SAMSN1: variants seen among roughly 807,000 people sequenced by gnomAD.
The protein encoded by SAMSN1 is SAM domain, SH3 domain and nuclear localization signals 1.
SAMSN1 carries 31 observed loss-of-function variants against 42.0 expected under a neutral mutation model. The observed-to-expected ratio is 0.74, with a 90% confidence interval of 0.55 to 1.00. The LOEUF is 1.00. SAMSN1 is among the 50% of genes least tolerant of loss of function. The pLI is 0.00. For missense variants in SAMSN1, 464 were observed against 439.4 expected, an observed-to-expected ratio of 1.06 and a Z score of -0.50; for synonymous variants, 178 against 151.9, an observed-to-expected ratio of 1.17 and a Z score of -1.26.
At chr21:14,658,508 C>G (rs186339294) in intron 1 of SAMSN1, among the ~76,000 whole-genome samples, 3 of 152,020 alleles carry the variant, frequency 2.0e-5, no homozygotes, top group African/African-American at 7.2e-5. Flanking sequence ...AATTCAACAT[C>G]AAAATGATAA....
chr21:14,520,832 A>G (rs921911231), intron 2 of SAMSN1, among the ~76,000 whole-genome samples: 2 of 150,722 alleles, frequency 1.3e-5, no homozygotes, highest in Admixed American at 1.3e-4. Context: ...TCAATCTGTA[A>G]GGTAGGAGCC....
intron 2 of SAMSN1, among the ~76,000 whole-genome samples, chr21:14,638,184 A>T (rs1333540961): frequency 6.6e-6 from 1 of 152,328 alleles, no homozygotes; most frequent in South Asian, 2.1e-4. Context: ...GGAAAGTGGG[A>T]TGTGAAAGTG....
chr21:14,617,368 C>T (rs1982866937), intron 2 of SAMSN1, among the ~76,000 whole-genome samples: 1 of 152,200 alleles, frequency 6.6e-6, no homozygotes, highest in Non-Finnish European at 1.5e-5. Context: ...TCTTTCCAAA[C>T]CTCAGATTAG....
At chr21:14,594,233 T>C (rs1982180449) in intron 6 of SAMSN1, among the ~76,000 whole-genome samples, 1 of 152,198 alleles carries the variant, frequency 6.6e-6, no homozygotes, top group African/African-American at 2.4e-5. Context: ...CTGATTAATG[T>C]TTCATCAGTG....
rs930764159 is a variant in SAMSN1, at chr21:14,602,344, T to C, written c.323-245A>G. 2.6e-5 allele frequency among the ~76,000 whole-genome samples: 4 copies of C among 152,100 alleles called. No homozygotes were observed. The East Asian group carries it at 7.7e-4, about 29-fold the overall frequency. ...ACCATCTGTGTCCCTGAGGAAGTGA[T>C]GGAAATTCACTGTGACTCCCTTTCT... is the stretch of plus-strand genomic sequence containing the variant. On this transcript the variant is annotated intron_variant, in intron 5 of 15. Transcript: ENST00000647101.
intron 1 of SAMSN1, among the ~76,000 whole-genome samples, chr21:14,522,403 C>T (rs180771389): frequency 1.3e-5 from 2 of 152,218 alleles, no homozygotes; most frequent in African/African-American, 2.4e-5. Context: ...TATTTTCTTT[C>T]TAAAGGACTT....
intron 5 of SAMSN1, chr21:14,609,383 T>A: frequency 2.9e-6 from 2 of 692,348 alleles, no homozygotes; most frequent in Non-Finnish European, 5.3e-6. Flanking sequence ...ACCATAATGG[T>A]CTGCTTATTT....
At position 14,634,887 on chromosome 21, in the gene SAMSN1, G is replaced by A. The variant is rs533615830; in HGVS notation, c.156+8115C>T. Among the ~76,000 whole-genome samples the A allele has an allele frequency of 6.6e-5, 10 of 152,286 alleles. No individual in the cohort carries two copies. In the South Asian group the frequency reaches 1.0e-3, roughly 16 times the overall value. The stretch of plus-strand genomic sequence containing the variant: ...GTTATAAAGATACATGGACACTTAC[G>A]TTTATTACAGCACTATTCACAATAG... On this transcript the variant is annotated intron_variant, in intron 2 of 15. Transcript: ENST00000647101.
upstream of SAMSN1, among the ~76,000 whole-genome samples, chr21:14,546,528 G>A (rs976568699): frequency 6.6e-6 from 1 of 151,798 alleles, no homozygotes; most frequent in African/African-American, 2.4e-5. Flanking sequence ...GCAGTTATGA[G>A]AGCCATAAGG....
At chr21:14,629,206 A>G (rs1983259272) in intron 2 of SAMSN1, among the ~76,000 whole-genome samples, 1 of 152,204 alleles carries the variant, frequency 6.6e-6, no homozygotes, top group South Asian at 2.1e-4. Context: ...ACCCTTCTTC[A>G]AGCCCTAATA....
At chr21:14,646,315 C>A (rs1983712184) in intron 1 of SAMSN1, among the ~76,000 whole-genome samples, 1 of 152,124 alleles carries the variant, frequency 6.6e-6, no homozygotes. Context: ...ATATGTCCGG[C>A]AACAGACTTT....
chr21:14,597,236 A>G (rs1356970216), intron 6 of SAMSN1, among the ~76,000 whole-genome samples: 1 of 152,044 alleles, frequency 6.6e-6, no homozygotes, highest in African/African-American at 2.4e-5. Flanking sequence ...ATATCACAGC[A>G]TAACCTTAAA....
chr21:14,507,699 T>C (rs1468396003), intron 5 of SAMSN1, among the ~76,000 whole-genome samples: 2 of 152,050 alleles, frequency 1.3e-5, no homozygotes, highest in Admixed American at 6.6e-5. Flanking sequence ...GAAAAAACAA[T>C]TCTAAAATTC....
At chr21:14,547,267 A>G (rs73161266), upstream of SAMSN1, among the ~76,000 whole-genome samples, 4 of 152,342 alleles carry the variant, frequency 2.6e-5, no homozygotes, top group Non-Finnish European at 4.4e-5. Flanking sequence ...TCTTTGTGCT[A>G]CAAACGATGC....
intron 2 of SAMSN1, among the ~76,000 whole-genome samples, chr21:14,518,574 C>A (rs536099735): frequency 1.3e-5 from 2 of 152,170 alleles, no homozygotes; most frequent in South Asian, 4.1e-4. Flanking sequence ...GGTAGTCATT[C>A]ACTGAATATA....
chr21:14,525,043 C>T (rs1978752622), intron 1 of SAMSN1, among the ~76,000 whole-genome samples: 1 of 152,084 alleles, frequency 6.6e-6, no homozygotes, highest in Admixed American at 6.5e-5. Flanking sequence ...AGTTCATCAA[C>T]TAAATAGTTG....
rs774118721 is a variant in SAMSN1, at chr21:14,546,155, T to C, written c.57+50A>G. 12 of 1,505,574 alleles carry C rather than the reference T, an allele frequency of 8.0e-6. No individual in the cohort carries two copies. The South Asian group carries it at 9.1e-5, about 11-fold the overall frequency. 93.3% of individuals were successfully genotyped at this position (1,505,574 alleles called of 1,614,324 possible). ...TGTTCAAACACACATATGTGTTTAT[T>C]TTCTATTAAATAGTTTGATTTTATT... On this transcript the variant is annotated intron_variant, in intron 1 of 7. Transcript: ENST00000400566.
At chr21:14,593,339 GAACTAC>G (rs1413230058) in intron 7 of SAMSN1, among the ~76,000 whole-genome samples, 1 of 152,080 alleles carries the variant, frequency 6.6e-6, no homozygotes, top group African/African-American at 2.4e-5. Flanking sequence ...TCTAGAACAA[GAACTAC>G]AAATAGGACT....
At chr21:14,654,919 G>A (rs1282452860) in intron 1 of SAMSN1, among the ~76,000 whole-genome samples, 1 of 151,894 alleles carries the variant, frequency 6.6e-6, no homozygotes, top group African/African-American at 2.4e-5. Flanking sequence ...ATTAGCCAAA[G>A]CACATGAAGA....
Sources: gnomAD v4.1 joint callset for allele counts (sites outside exome capture counted in the v4.1 genomes callset) on GRCh38, gnomAD v4.1.1 for gene constraint, MANE v1.5 for transcripts, NCBI Gene and HGNC (gene_info 2026-07-23, HGNC 2026-07-21) for gene names.